The following TTLL11 variants were observed in gnomAD, a reference collection of about 807,000 sequenced individuals.
TTLL11 encodes tubulin polyglutamylase TTLL11.
A neutral mutation model predicts 51.7 loss-of-function variants in TTLL11; 42 were observed. The observed-to-expected ratio is 0.81, with a 90% CI of 0.64 to 1.05. TTLL11 has a LOEUF of 1.05. Among genes scored for constraint, TTLL11 ranks in the 50% least tolerant of loss-of-function variants. TTLL11 has a pLI of 0.00. For missense variants in TTLL11, 799 were observed against 940.4 expected (o/e 0.85, Z 1.97); for synonymous variants, 381 against 383.5 (o/e 0.99, Z 0.08).
intron 1 of TTLL11, among the ~76,000 whole-genome samples, chr9:122,041,178 T>C (rs2131828239): frequency 6.6e-6 from 1 of 152,338 alleles, no homozygotes; most frequent in Non-Finnish European, 1.5e-5. Context: ...TAAAAACATG[T>C]CCATTCACTC....
chr9:122,084,796 G>C (rs1454357578), intron 1 of TTLL11, among the ~76,000 whole-genome samples: 6 of 152,168 alleles, frequency 3.9e-5, no homozygotes, highest in Non-Finnish European at 8.8e-5. Flanking sequence ...TTGTCCAGGG[G>C]CACGGAGCCA....
At chr9:121,897,915 C>T (rs552088017) in intron 6 of TTLL11, among the ~76,000 whole-genome samples, 50 of 147,322 alleles carry the variant, frequency 3.4e-4, no homozygotes, top group African/African-American at 1.2e-3. Context: ...CCCTCTCTTT[C>T]TTCTATTCTT....
rs1276983594 is a variant in TTLL11 at position 121,917,918 on chromosome 9, A to C, written c.1482-47170T>G. On this transcript the variant is annotated intron_variant, in intron 6 of 8. Transcript: ENST00000321582. ...ATGTGATTCCACTTTAGGCCATGAG[A>C]GAGTGACAGCAAACTTATACTCTTG... Among the ~76,000 whole-genome samples, 23 of 152,198 alleles carry C rather than the reference A, an allele frequency of 1.5e-4. 1 individual carries two copies. Among genetic ancestry groups the C allele is most frequent in the Admixed American group, 1.5e-3 (23 of 15,282 alleles).
Position 122,076,690 on chromosome 9 carries a change from A to C in TTLL11, c.462+15997T>G, listed in dbSNP as rs1845869173. The stretch of plus-strand genomic sequence containing the variant: ...AGCCTCAAAGAATGATCAGCAAGTA[A>C]AGTTCCAAGGAACATAAGATCACCA... On this transcript the variant is annotated intron_variant, in intron 1 of 8. Transcript: ENST00000321582. Among the ~76,000 whole-genome samples the C allele has an allele frequency of 2.0e-5, 3 of 151,998 alleles. No homozygotes were observed. The South Asian group carries it at 6.2e-4, about 32-fold the overall frequency.
At chr9:121,873,925 A>G (rs1838465859) in intron 6 of TTLL11, among the ~76,000 whole-genome samples, 1 of 145,870 alleles carries the variant, frequency 6.9e-6, no homozygotes, top group Non-Finnish European at 1.5e-5. Flanking sequence ...TGCCACTGCA[A>G]CCTCTGCCTC....
At chr9:121,897,182 G>GC (rs1037756516) in intron 6 of TTLL11, among the ~76,000 whole-genome samples, 2 of 152,094 alleles carry the variant, frequency 1.3e-5, no homozygotes, top group African/African-American at 2.4e-5. Context: ...GCTTGCAGTA[G>GC]TTTTTTTCCA....
intron 6 of TTLL11, among the ~76,000 whole-genome samples, chr9:121,916,255 T>C (rs1840323030): frequency 6.6e-6 from 1 of 152,208 alleles, no homozygotes; most frequent in Non-Finnish European, 1.5e-5. Flanking sequence ...GTCATATGCA[T>C]GAATCATACA....
intron 1 of TTLL11, among the ~76,000 whole-genome samples, chr9:122,049,235 A>T (rs1845096235): frequency 6.6e-6 from 1 of 152,212 alleles, no homozygotes; most frequent in South Asian, 2.1e-4. Context: ...CTATGTGTTA[A>T]ACACTTTACA....
chr9:122,014,406 T>A (rs1164188402), intron 3 of TTLL11, among the ~76,000 whole-genome samples: 1 of 152,134 alleles, frequency 6.6e-6, no homozygotes, highest in African/African-American at 2.4e-5. Context: ...TGAACCTCTG[T>A]CTCCTAACTC....
intron 8 of TTLL11, among the ~76,000 whole-genome samples, chr9:121,840,367 C>A (rs926385981): frequency 2.6e-5 from 4 of 152,070 alleles, no homozygotes; most frequent in Non-Finnish European, 5.9e-5. Flanking sequence ...CTGGAGGGGG[C>A]AAGTGACTTG....
intron 3 of TTLL11, among the ~76,000 whole-genome samples, chr9:122,023,838 TACA>T (rs1844250103): frequency 1.3e-5 from 2 of 151,978 alleles, no homozygotes; most frequent in South Asian, 4.2e-4. Flanking sequence ...ACAAGAAACC[TACA>T]ACTAACAACA....
intron 6 of TTLL11, among the ~76,000 whole-genome samples, chr9:121,887,560 C>T (rs1192487528): frequency 6.6e-6 from 1 of 152,212 alleles, no homozygotes; most frequent in African/African-American, 2.4e-5. Flanking sequence ...TCAGCTCTGC[C>T]GGCTTCAACT....
At chr9:121,838,903 C>A in intron 8 of TTLL11, among the ~76,000 whole-genome samples, 1 of 151,256 alleles carries the variant, frequency 6.6e-6, no homozygotes, top group Non-Finnish European at 1.5e-5. Flanking sequence ...ACCTTTCTTG[C>A]CCTGCTCTGA....
rs546200448 is a variant in TTLL11 at position 121,997,491 on chromosome 9, C to T, written c.694-7721G>A. On this transcript the variant is annotated intron_variant, in intron 3 of 8. Transcript: ENST00000321582. ...TCCTAAGGACCCTGGGTGACACAGG[C>T]GCACGTGGGGGCCCTCAGACTGCAG... 1.2e-4 allele frequency among the ~76,000 whole-genome samples: 18 copies of T among 152,236 alleles called. 1 individual carries two copies. The South Asian group carries it at 3.7e-3, about 32-fold the overall frequency.
intron 6 of TTLL11, among the ~76,000 whole-genome samples, chr9:121,895,404 C>T (rs1564292614): frequency 6.6e-6 from 1 of 150,768 alleles, no homozygotes. Flanking sequence ...GTTTGTGTGA[C>T]TGTGTGTGCA....
chr9:121,893,981 A>T (rs919220821), intron 6 of TTLL11, among the ~76,000 whole-genome samples: 1 of 152,158 alleles, frequency 6.6e-6, no homozygotes, highest in Non-Finnish European at 1.5e-5. Context: ...CTGGGCCACC[A>T]CGAGCCACAC....
chr9:122,054,010 A>C (rs114525681), intron 1 of TTLL11, among the ~76,000 whole-genome samples: 100 of 152,346 alleles, frequency 6.6e-4, no homozygotes, highest in African/African-American at 2.3e-3. Context: ...CTTTTGCTGG[A>C]AAGTAGCAAT....
chr9:121,840,253 G>A (rs550549300), intron 8 of TTLL11, among the ~76,000 whole-genome samples: 63 of 152,234 alleles, frequency 4.1e-4, no homozygotes, highest in Middle Eastern at 3.4e-3. Flanking sequence ...TCCTGAACTC[G>A]GTTAAGATCT....
chr9:121,884,050 G>A (rs2131423766), intron 6 of TTLL11, among the ~76,000 whole-genome samples: 1 of 152,320 alleles, frequency 6.6e-6, no homozygotes, highest in Non-Finnish European at 1.5e-5. Flanking sequence ...AAGAACCCAG[G>A]AGAATGCCAG....
Sources: gnomAD v4.1 joint callset for allele counts (sites outside exome capture counted in the v4.1 genomes callset) on GRCh38, gnomAD v4.1.1 for gene constraint, MANE v1.5 for transcripts, NCBI Gene and HGNC (gene_info 2026-07-23, HGNC 2026-07-21) for gene names.